BMERB1: variants seen among roughly 807,000 people sequenced by gnomAD.
BMERB1 encodes the protein bMERB domain-containing protein 1.
In BMERB1, 12 loss-of-function variants were observed where a neutral mutation model predicts 23.6. The observed-to-expected ratio is 0.51, with a 90% confidence interval of 0.33 to 0.82. BMERB1 has a LOEUF of 0.82. BMERB1 is among the 40% of genes least tolerant of loss of function. The pLI is 0.03. For synonymous variants in BMERB1, 122 were observed against 96.6 expected (o/e 1.26, Z -1.54); for missense variants, 247 against 255.4 (o/e 0.97, Z 0.22).
chr16:15,476,805 G>A (rs1382319037), intron 1 of BMERB1, among the ~76,000 whole-genome samples: 1 of 152,130 alleles, frequency 6.6e-6, no homozygotes, highest in Non-Finnish European at 1.5e-5. Flanking sequence ...CACTGGGTGG[G>A]GGATACAGGA....
intron 1 of BMERB1, among the ~76,000 whole-genome samples, chr16:15,486,444 TCTC>T (rs1324775260): frequency 6.6e-6 from 1 of 152,142 alleles, no homozygotes; most frequent in African/African-American, 2.4e-5. Flanking sequence ...TTTCTCCATG[TCTC>T]CTCTATTCTT....
chr16:15,519,451 T>C (rs2051822444), intron 2 of BMERB1, among the ~76,000 whole-genome samples: 1 of 152,082 alleles, frequency 6.6e-6, no homozygotes, highest in Admixed American at 6.6e-5. Flanking sequence ...AGTGCAGTGG[T>C]GCGATCTCGG....
chr16:15,454,462 T>C (rs2051067032), intron 1 of BMERB1, among the ~76,000 whole-genome samples: 1 of 152,104 alleles, frequency 6.6e-6, no homozygotes, highest in Non-Finnish European at 1.5e-5. Context: ...GGCAAATGCA[T>C]GAGCCAAGTG....
intron 2 of BMERB1, among the ~76,000 whole-genome samples, chr16:15,552,104 G>A (rs528304875): frequency 3.3e-5 from 5 of 152,220 alleles, no homozygotes; most frequent in African/African-American, 1.2e-4. Flanking sequence ...GAAGGACTAT[G>A]TGTCTCATTC....
chr16:15,551,986 A>G (rs2030104879), intron 2 of BMERB1, among the ~76,000 whole-genome samples: 1 of 152,066 alleles, frequency 6.6e-6, no homozygotes, highest in African/African-American at 2.4e-5. Context: ...ATCTCTGTTC[A>G]CATCTTTAAT....
At chr16:15,443,493 A>T (rs1277502984) in intron 1 of BMERB1, among the ~76,000 whole-genome samples, 1 of 152,126 alleles carries the variant, frequency 6.6e-6, no homozygotes, top group Admixed American at 6.6e-5. Context: ...GTGAGCCAAG[A>T]TGGCACCACT....
At chr16:15,456,882 A>G (rs139160532) in intron 1 of BMERB1, among the ~76,000 whole-genome samples, 2,308 of 151,972 alleles carry the variant, frequency 0.015, 66 homozygotes, top group African/African-American at 0.054. Flanking sequence ...TTGGAGTGCA[A>G]TGGCGCAATC....
At chr16:15,473,287 C>CTT (rs549143781) in intron 1 of BMERB1, among the ~76,000 whole-genome samples, 31 of 137,566 alleles carry the variant, frequency 2.3e-4, no homozygotes, top group Admixed American at 1.1e-3. Flanking sequence ...TTCCTTTAGC[C>CTT]TTTTTTTTTT....
intron 3 of BMERB1, among the ~76,000 whole-genome samples, chr16:15,570,124 T>G (rs2030685979): frequency 6.6e-6 from 1 of 152,160 alleles, no homozygotes; most frequent in Non-Finnish European, 1.5e-5. Context: ...ATAGGCCAGA[T>G]AAGCACCCAC....
At chr16:15,488,069 C>T (rs1425071805) in intron 1 of BMERB1, among the ~76,000 whole-genome samples, 2 of 152,064 alleles carry the variant, frequency 1.3e-5, no homozygotes, top group South Asian at 2.1e-4. Context: ...AATAGGTCTC[C>T]GCCTCATTTT....
chr16:15,543,935 T>A (rs926253264), intron 2 of BMERB1, among the ~76,000 whole-genome samples: 1 of 152,238 alleles, frequency 6.6e-6, no homozygotes, highest in African/African-American at 2.4e-5. Context: ...TAAGGAAGAA[T>A]GTCTTTTCCA....
intron 2 of BMERB1, among the ~76,000 whole-genome samples, chr16:15,522,939 C>T (rs1421317580): frequency 1.3e-5 from 2 of 152,196 alleles, no homozygotes; most frequent in Non-Finnish European, 2.9e-5. Flanking sequence ...TACGTTGTCC[C>T]AAGGACAGAG....
At chr16:15,533,903 G>A (rs976154264) in intron 2 of BMERB1, among the ~76,000 whole-genome samples, 5 of 151,952 alleles carry the variant, frequency 3.3e-5, no homozygotes, top group East Asian at 1.9e-4. Context: ...CTCCCACCCC[G>A]TGTTGCCACC....
intron 3 of BMERB1, among the ~76,000 whole-genome samples, chr16:15,578,730 G>A (rs1365870618): frequency 6.6e-6 from 1 of 151,926 alleles, no homozygotes; most frequent in African/African-American, 2.4e-5. Context: ...TGGTGGAAGG[G>A]GCAAACAAGC....
intron 2 of BMERB1, among the ~76,000 whole-genome samples, chr16:15,554,943 G>C (rs961789615): frequency 6.6e-6 from 1 of 152,160 alleles, no homozygotes; most frequent in Middle Eastern, 3.2e-3. Context: ...TGGGATTACA[G>C]ACTTGAGCCA....
chr16:15,568,515 G>A (rs1427872483), intron 3 of BMERB1, among the ~76,000 whole-genome samples: 1 of 152,086 alleles, frequency 6.6e-6, no homozygotes, highest in East Asian at 1.9e-4. Flanking sequence ...GCACACACCT[G>A]TAATCCCAGG....
At chr16:15,508,576 G>A (rs1017744645) in intron 1 of BMERB1, among the ~76,000 whole-genome samples, 12 of 151,942 alleles carry the variant, frequency 7.9e-5, no homozygotes, top group African/African-American at 2.2e-4. Flanking sequence ...TAATCCCAGC[G>A]CTTTGGGAGG....
intron 1 of BMERB1, among the ~76,000 whole-genome samples, chr16:15,455,492 G>A (rs963641611): frequency 1.7e-4 from 25 of 151,458 alleles, no homozygotes; most frequent in African/African-American, 5.1e-4. Context: ...ATGGAGTCTC[G>A]CTCTGTTGCC....
chr16:15,477,386 G>C (rs2051283449), intron 1 of BMERB1, among the ~76,000 whole-genome samples: 1 of 152,144 alleles, frequency 6.6e-6, no homozygotes, highest in African/African-American at 2.4e-5. Flanking sequence ...TGGGGATTAT[G>C]GGAATTACAA....
Sources: gnomAD v4.1 joint callset for allele counts (sites outside exome capture counted in the v4.1 genomes callset) on GRCh38, gnomAD v4.1.1 for gene constraint, MANE v1.5 for transcripts, NCBI Gene and HGNC (gene_info 2026-07-23, HGNC 2026-07-21) for gene names.